YAF2: variants seen among roughly 807,000 people sequenced by gnomAD.
YAF2 encodes the protein YY1-associated factor 2.
YAF2 carries 7 observed loss-of-function variants against 20.1 expected under a neutral mutation model. The ratio of observed to expected loss-of-function variants is 0.35; its 90% CI spans 0.20 to 0.65. The LOEUF is 0.65. Ranked by LOEUF, YAF2 falls within the 30% of genes least tolerant of loss-of-function variation. The probability of loss-of-function intolerance (pLI) is 0.69; values close to 1 mark genes in which losing one functional copy is unlikely to be tolerated. For synonymous variants in YAF2, 74 were observed against 76.0 expected, an observed-to-expected ratio of 0.97 and a Z score of 0.14; for missense variants, 151 against 219.2, an observed-to-expected ratio of 0.69 and a Z score of 1.96.
intron 2 of YAF2, among the ~76,000 whole-genome samples, chr12:42,163,932 G>A (rs2065854458): frequency 6.6e-6 from 1 of 152,098 alleles, no homozygotes; most frequent in African/African-American, 2.4e-5. Context: ...AGAAAAATCA[G>A]GATAGGAGGA....
intron 2 of YAF2, among the ~76,000 whole-genome samples, chr12:42,170,538 G>A (rs1167118831): frequency 1.3e-5 from 2 of 152,164 alleles, no homozygotes; most frequent in Admixed American, 6.5e-5. Flanking sequence ...GGCCAGATGC[G>A]GTGGCTCACG....
At chr12:42,178,476 C>G (rs2066254686) in intron 2 of YAF2, among the ~76,000 whole-genome samples, 1 of 152,152 alleles carries the variant, frequency 6.6e-6, no homozygotes, top group Non-Finnish European at 1.5e-5. Flanking sequence ...TCCATCTTTT[C>G]CAAATAACCT....
chr12:42,173,816 A>G (rs2066111922), intron 2 of YAF2, among the ~76,000 whole-genome samples: 1 of 152,212 alleles, frequency 6.6e-6, no homozygotes, highest in African/African-American at 2.4e-5. Context: ...ACTTGCTTTT[A>G]TCATGTGCTA....
At chr12:42,211,788 C>T (rs1459188047) in intron 2 of YAF2, among the ~76,000 whole-genome samples, 1 of 150,812 alleles carries the variant, frequency 6.6e-6, no homozygotes, top group African/African-American at 2.4e-5. Flanking sequence ...GTGGCTTGCA[C>T]CTGTGATTCC....
chr12:42,188,729 T>A (rs116753453), intron 2 of YAF2, among the ~76,000 whole-genome samples: 1,594 of 152,086 alleles, frequency 0.01, 27 homozygotes, highest in African/African-American at 0.037. Context: ...AGTATTCACA[T>A]GTACAATTTT....
At chr12:42,216,076 T>A (rs1246901969) in intron 2 of YAF2, among the ~76,000 whole-genome samples, 4 of 152,176 alleles carry the variant, frequency 2.6e-5, no homozygotes. Context: ...TTTGTAGTTA[T>A]AATCTAAAGT....
chr12:42,186,934 C>T (rs2066490821), intron 2 of YAF2, among the ~76,000 whole-genome samples: 1 of 152,058 alleles, frequency 6.6e-6, no homozygotes, highest in South Asian at 2.1e-4. Context: ...GCCACCAATT[C>T]AGCGAACTAT....
chr12:42,214,570 C>A (rs1453878631), intron 2 of YAF2, among the ~76,000 whole-genome samples: 1 of 152,154 alleles, frequency 6.6e-6, no homozygotes, highest in African/African-American at 2.4e-5. Context: ...CCATGCCCGG[C>A]CTCCTCTTAT....
At chr12:42,219,421 G>C (rs1180993634) in intron 2 of YAF2, among the ~76,000 whole-genome samples, 1 of 152,230 alleles carries the variant, frequency 6.6e-6, no homozygotes. Context: ...GCTGTGTACA[G>C]ATACTGGGAG....
intron 2 of YAF2, among the ~76,000 whole-genome samples, chr12:42,201,300 C>A (rs1010694721): frequency 5.9e-5 from 9 of 152,300 alleles, no homozygotes; most frequent in African/African-American, 2.2e-4. Context: ...AGTAACATCC[C>A]ATCCTAAGCT....
chr12:42,166,597 T>C (rs2065922402), intron 2 of YAF2, among the ~76,000 whole-genome samples: 1 of 152,240 alleles, frequency 6.6e-6, no homozygotes, highest in Non-Finnish European at 1.5e-5. Flanking sequence ...TGTTCACTTA[T>C]CAATTACTGA....
intron 2 of YAF2, among the ~76,000 whole-genome samples, chr12:42,180,853 C>T (rs182479051): frequency 7.3e-4 from 111 of 152,230 alleles, no homozygotes; most frequent in Middle Eastern, 3.4e-3. Flanking sequence ...GAGGCTGAGG[C>T]ATGAGAATCG....
intron 2 of YAF2, among the ~76,000 whole-genome samples, chr12:42,224,426 C>T (rs909506885): frequency 2.6e-5 from 4 of 151,934 alleles, no homozygotes; most frequent in Non-Finnish European, 5.9e-5. Context: ...TGTGCAGAAC[C>T]TCCAGGTTTG....
intron 2 of YAF2, among the ~76,000 whole-genome samples, chr12:42,200,393 C>G (rs2066867521): frequency 6.6e-6 from 1 of 152,150 alleles, no homozygotes; most frequent in Admixed American, 6.5e-5. Flanking sequence ...AAACTATTCA[C>G]CTTCTTATCC....
chr12:42,214,756 C>A (rs932768271), intron 2 of YAF2, among the ~76,000 whole-genome samples: 1 of 151,874 alleles, frequency 6.6e-6, no homozygotes, highest in Non-Finnish European at 1.5e-5. Flanking sequence ...GTAATTCCAG[C>A]ACTTTGGGAG....
At chr12:42,178,854 C>T (rs2066265314) in intron 2 of YAF2, among the ~76,000 whole-genome samples, 1 of 152,080 alleles carries the variant, frequency 6.6e-6, no homozygotes, top group African/African-American at 2.4e-5. Flanking sequence ...GTCTAACACC[C>T]TGGCGACATA....
chr12:42,175,740 C>A (rs1345617230), intron 2 of YAF2, among the ~76,000 whole-genome samples: 11 of 45,006 alleles, frequency 2.4e-4, no homozygotes, highest in Non-Finnish European at 3.0e-4. Flanking sequence ...GACTCTGTCT[C>A]AAAAAAAAAA....
At position 42,203,887 on chromosome 12, in the gene YAF2, G is replaced by A. The variant is rs369792960; in HGVS notation, c.152+33712C>T. On this transcript the variant is annotated intron_variant, in intron 2 of 3. Coordinates refer to ENST00000534854, the MANE Select transcript of YAF2 (RefSeq NM_005748.6). ...GCATAAGATTGGGATTAGCTGTTCC[G>A]CAAAAGCATATCTAAAATTATAATT... is the stretch of plus-strand genomic sequence containing the variant. 7.2e-5 allele frequency among the ~76,000 whole-genome samples: 11 copies of A among 152,128 alleles called. No homozygotes were observed. The South Asian group carries it at 1.9e-3, about 26-fold the overall frequency.
chr12:42,203,081 ATCC>A (rs1161852608), intron 2 of YAF2, among the ~76,000 whole-genome samples: 2 of 151,826 alleles, frequency 1.3e-5, no homozygotes, highest in Non-Finnish European at 2.9e-5. Context: ...AAAAAAAAAA[ATCC>A]TACTGGGATT....
Sources: gnomAD v4.1 joint callset for allele counts (sites outside exome capture counted in the v4.1 genomes callset) on GRCh38, gnomAD v4.1.1 for gene constraint, MANE v1.5 for transcripts, NCBI Gene and HGNC (gene_info 2026-07-23, HGNC 2026-07-21) for gene names.